Variants in GABRB2 observed in about 807,000 individuals in gnomAD.
The protein encoded by GABRB2 is gamma-aminobutyric acid receptor subunit beta-2.
In GABRB2, 16 loss-of-function variants were observed where a neutral mutation model predicts 54.7. The ratio of observed to expected loss-of-function variants is 0.29; its 90% CI spans 0.20 to 0.44. The LOEUF (loss-of-function observed/expected upper bound fraction) is 0.44. Among genes scored for constraint, GABRB2 ranks in the 20% least tolerant of loss-of-function variants. The pLI is 1.00. For synonymous variants in GABRB2, 244 were observed against 233.8 expected, an observed-to-expected ratio of 1.04 and a Z score of -0.40; for missense variants, 355 against 644.0, an observed-to-expected ratio of 0.55 and a Z score of 4.86.
intron 5 of GABRB2, among the ~76,000 whole-genome samples, chr5:161,361,397 A>G (rs995160540): frequency 3.4e-4 from 52 of 152,226 alleles, no homozygotes; most frequent in African/African-American, 1.1e-3. Context: ...TACAAAAGAA[A>G]TACTTATGGA....
chr5:161,522,370 G>C (rs1227936253), intron 3 of GABRB2, among the ~76,000 whole-genome samples: 1 of 151,680 alleles, frequency 6.6e-6, no homozygotes, highest in South Asian at 2.1e-4. Flanking sequence ...CTGCAGGCAC[G>C]ATACCTTGGG....
intron 9 of GABRB2, among the ~76,000 whole-genome samples, chr5:161,323,155 G>A (rs1230966900): frequency 1.3e-5 from 2 of 151,394 alleles, no homozygotes; most frequent in African/African-American, 2.4e-5. Flanking sequence ...TCTAGTAGCT[G>A]GGATTACAGG....
chr5:161,504,896 C>A (rs2113387643), intron 3 of GABRB2, among the ~76,000 whole-genome samples: 1 of 150,930 alleles, frequency 6.6e-6, no homozygotes, highest in South Asian at 2.1e-4. Context: ...ACAAAACTGA[C>A]AAAAAGAAGA....
chr5:161,547,734 G>T (rs1196072088), upstream of GABRB2, among the ~76,000 whole-genome samples: 2 of 152,094 alleles, frequency 1.3e-5, no homozygotes, highest in Non-Finnish European at 2.9e-5. Context: ...GCGCAGGTGC[G>T]GGGGACTGGA....
intron 3 of GABRB2, among the ~76,000 whole-genome samples, chr5:161,478,049 C>T (rs1380031669): frequency 6.6e-6 from 1 of 151,952 alleles, no homozygotes; most frequent in Admixed American, 6.6e-5. Context: ...AGTTATTTAG[C>T]AAACTTTTCT....
chr5:161,487,535 GT>G (rs1451426262), intron 3 of GABRB2, among the ~76,000 whole-genome samples: 4 of 151,836 alleles, frequency 2.6e-5, no homozygotes, highest in Non-Finnish European at 2.9e-5. Flanking sequence ...AACAGAAAAG[GT>G]TTTAGAAAGG....
chr5:161,321,430 A>G (rs1433128687), intron 9 of GABRB2, among the ~76,000 whole-genome samples: 1 of 152,056 alleles, frequency 6.6e-6, no homozygotes, highest in Non-Finnish European at 1.5e-5. Flanking sequence ...CTGGACATGT[A>G]TAGCTTTAGT....
At chr5:161,381,026 C>T (rs559267998) in intron 5 of GABRB2, among the ~76,000 whole-genome samples, 28 of 152,238 alleles carry the variant, frequency 1.8e-4, no homozygotes, top group Non-Finnish European at 3.5e-4. Flanking sequence ...AGAGGCTTGT[C>T]CACAAATGAC....
chr5:161,301,076 G>A (rs1757524489), intron 9 of GABRB2, among the ~76,000 whole-genome samples: 1 of 152,078 alleles, frequency 6.6e-6, no homozygotes. Context: ...TGAGAATTAG[G>A]GATAGTTAGC....
intron 4 of GABRB2, among the ~76,000 whole-genome samples, chr5:161,422,622 C>T (rs1756881803): frequency 6.6e-6 from 1 of 152,098 alleles, no homozygotes; most frequent in African/African-American, 2.4e-5. Context: ...TCTACAGTTT[C>T]ACTGTTTCTA....
chr5:161,305,841 T>C (rs1229261968), intron 9 of GABRB2, among the ~76,000 whole-genome samples: 1 of 152,166 alleles, frequency 6.6e-6, no homozygotes, highest in African/African-American at 2.4e-5. Context: ...AAGAGCCAAA[T>C]GTTAGGAGAA....
At chr5:161,420,015 C>A (rs1438721493) in intron 4 of GABRB2, among the ~76,000 whole-genome samples, 1 of 152,026 alleles carries the variant, frequency 6.6e-6, no homozygotes, top group Non-Finnish European at 1.5e-5. Flanking sequence ...ATAGTTGAAC[C>A]AGAGTCTCTT....
At chr5:161,396,281 T>C (rs1454802563) in intron 5 of GABRB2, among the ~76,000 whole-genome samples, 1 of 152,174 alleles carries the variant, frequency 6.6e-6, no homozygotes, top group East Asian at 1.9e-4. Flanking sequence ...CTGCTTAGCC[T>C]TTACTATGTT....
intron 5 of GABRB2, among the ~76,000 whole-genome samples, chr5:161,389,134 T>C (rs906921817): frequency 1.3e-5 from 2 of 152,004 alleles, no homozygotes; most frequent in African/African-American, 4.8e-5. Flanking sequence ...AGACAATGTG[T>C]AGTTTTCAAT....
intron 4 of GABRB2, among the ~76,000 whole-genome samples, chr5:161,425,622 T>G (rs770164844): frequency 1.1e-4 from 16 of 152,152 alleles, no homozygotes; most frequent in Non-Finnish European, 2.4e-4. Context: ...AAGTTGTGAT[T>G]CACTTTATTG....
intron 3 of GABRB2, among the ~76,000 whole-genome samples, chr5:161,500,587 T>C (rs1759402093): frequency 6.6e-6 from 1 of 152,178 alleles, no homozygotes; most frequent in Non-Finnish European, 1.5e-5. Flanking sequence ...TAATCCCTTT[T>C]CAAGTAATGT....
At chr5:161,539,082 C>T (rs1268371165) in intron 3 of GABRB2, among the ~76,000 whole-genome samples, 4 of 152,170 alleles carry the variant, frequency 2.6e-5, no homozygotes, top group Non-Finnish European at 5.9e-5. Context: ...ACTCTTTCCT[C>T]AAAAGTGAAA....
chr5:161,329,705 A>G (rs1195563062), intron 8 of GABRB2: 2 of 152,228 alleles, frequency 1.3e-5, no homozygotes, highest in African/African-American at 4.8e-5. Flanking sequence ...ATAATTCCAA[A>G]TGGTTTAAGA....
intron 5 of GABRB2, among the ~76,000 whole-genome samples, chr5:161,350,413 AG>A (rs1451784957): frequency 1.3e-5 from 2 of 152,178 alleles, no homozygotes; most frequent in African/African-American, 4.8e-5. Context: ...TAACCAAAAA[AG>A]TAATCAATAA....
Sources: gnomAD v4.1 joint callset for allele counts (sites outside exome capture counted in the v4.1 genomes callset) on GRCh38, gnomAD v4.1.1 for gene constraint, MANE v1.5 for transcripts, NCBI Gene and HGNC (gene_info 2026-07-23, HGNC 2026-07-21) for gene names.